Variants in ACP4 observed in about 807,000 individuals in gnomAD.
ACP4 encodes the protein acid phosphatase 4, also known as testicular acid phosphatase.
A neutral mutation model predicts 47.3 loss-of-function variants in ACP4; 49 were observed. That is an observed-to-expected ratio of 1.04 (90% CI 0.82 to 1.32). The LOEUF (loss-of-function observed/expected upper bound fraction) is 1.32. Among genes scored for constraint, ACP4 ranks in the 40% most tolerant of loss-of-function variants. ACP4 has a pLI of 0.00. For synonymous variants in ACP4, 299 were observed against 265.3 expected (o/e 1.13, Z -1.23); for missense variants, 594 against 579.3 (o/e 1.03, Z -0.26).
In ACP4 at chr19:50,791,749, G is replaced by A. The variant is rs779823931; in HGVS notation, c.397G>A (p.Glu133Lys). 2.3e-5 allele frequency: 37 copies of A among 1,612,682 alleles called. No individual in the cohort carries two copies. Among genetic ancestry groups the A allele is most frequent in the South Asian group, 9.9e-5 (9 of 91,076 alleles). The change falls in exon 4 of 11, where the codon GAG becomes AAG. Residue 133 changes from glutamate (E) to lysine (K), a missense_variant. Coordinates refer to ENST00000270593, the MANE Select transcript of ACP4 (RefSeq NM_033068.3). The part of the protein sequence containing the change: ...LFPEAAPGSP[E>K]ARWRPIPVHT... ...TCCCGAGGCTGCTCCAGGGAGCCCC[G>A]AGGCCCGCTGGAGGCCGATCCCGGT...
intron 8 of ACP4, 83 bp downstream of exon 8, chr19:50,794,053 G>A: frequency 1.3e-6 from 2 of 1,515,132 alleles, no homozygotes; most frequent in South Asian, 1.1e-5. Flanking sequence ...AGAGCCTGTG[G>A]TCCCAGTGGA....
At chr19:50,791,107 GT>G (rs1430823266) in intron 3 of ACP4, among the ~76,000 whole-genome samples, 1 of 152,110 alleles carries the variant, frequency 6.6e-6, no homozygotes, top group Non-Finnish European at 1.5e-5. Context: ...CTCCATCTCT[GT>G]TTTCTAAGTC....
In ACP4 at chr19:50,791,806, A is replaced by G. The variant is rs1269493142; in HGVS notation, c.450+4A>G. ...GGTGCCCGTGGCTGAGGATAAGGTCAGGGGGCTGGACCCACGTGTGGCGAG... is the reference window on the plus strand; with the variant it reads ...GGTGCCCGTGGCTGAGGATAAGGTCGGGGGGCTGGACCCACGTGTGGCGAG... On this transcript the variant is annotated splice_donor_region_variant and intron_variant, in intron 4 of 10. Coordinates refer to ENST00000270593, the MANE Select transcript of ACP4 (RefSeq NM_033068.3). The G allele has an allele frequency of 6.3e-7, 1 of 1,594,990 alleles. No homozygotes were observed. The highest frequency in any genetic ancestry group is 1.3e-5 in the African/African-American group (1 of 74,738).
Position 50,794,858 on chromosome 19 carries a change from C to A in ACP4, c.1059C>A (p.Cys353Ter), listed in dbSNP as rs761143651. 1.2e-6 allele frequency: 2 copies of A among 1,613,590 alleles called. No homozygotes were observed. Among genetic ancestry groups the A allele is most frequent in the Admixed American group, 1.7e-5 (1 of 59,944 alleles). Residue 353 changes from cysteine to a stop codon, truncating the protein, a stop_gained, in exon 10 of 11, where the codon TGC becomes TGA. Transcript: ENST00000270593. LOFTEE classifies it high-confidence loss of function. ...CCCTGCCTCTCAGCCTCCCCGGGTG[C>A]CCGGCCCCCTGTCCACTAGGCCGCT... ...HLPLPLSLPG[C>*]PAPCPLGRFY...
In ACP4 at chr19:50,790,433, T is replaced by TG. The variant is rs1568464156; in HGVS notation, c.23dup (p.His9ProfsTer102). On this transcript the variant is annotated frameshift_variant, in exon 1 of 11. Coordinates refer to ENST00000270593, the MANE Select transcript of ACP4 (RefSeq NM_033068.3). LOFTEE classifies it high-confidence loss of function. ...GGTGGAAATGGCCGGCCTGGGGTTT[T>TG]GGGGCCACCCTGCTGGACCTCTCCT... 6.3e-7 allele frequency: 1 copy of TG among 1,588,762 alleles called. No individual in the cohort carries two copies. The highest frequency in any genetic ancestry group is 1.8e-5 in the Admixed American group (1 of 57,054).
At chr19:50,791,389 C>CAG (rs1211230005) in intron 3 of ACP4, among the ~76,000 whole-genome samples, 3 of 152,192 alleles carry the variant, frequency 2.0e-5, no homozygotes, top group Admixed American at 6.5e-5. Context: ...CCTCCAGCCT[C>CAG]TACTGATTCT....
chr19:50,793,499 A>AG, intron 6 of ACP4, 185 bp from the exon 7 acceptor site: 1 of 873,284 alleles, frequency 1.1e-6, no homozygotes. Context: ...TAGGTGATGG[A>AG]GCAAGGCTCC....
intron 9 of ACP4, 68 bp from the exon 10 acceptor site, chr19:50,794,718 G>A (rs576332343): frequency 5.7e-6 from 9 of 1,572,778 alleles, no homozygotes; most frequent in African/African-American, 1.3e-5. Flanking sequence ...GGAGTCAGAA[G>A]CCCTTTTCTC....
Position 50,792,179 on chromosome 19 carries a change from G to A in ACP4, c.549+8G>A. The A allele has an allele frequency of 6.2e-7, 1 of 1,610,496 alleles. No individual in the cohort carries two copies. The highest frequency in any genetic ancestry group is 1.7e-5 in the Admixed American group (1 of 59,960). ...GCCCTGGAGGGCTGGACGGTGAGCA[G>A]GGCGGCGGTGGGGGGCGGGATGCAG... On this transcript the variant is annotated splice_region_variant and intron_variant, in intron 5 of 10. Coordinates refer to ENST00000270593, the MANE Select transcript of ACP4 (RefSeq NM_033068.3).
chr19:50,795,198 A>G lies in ACP4; in HGVS notation c.*40A>G. 1.3e-6 allele frequency: 2 copies of G among 1,485,724 alleles called. No individual in the cohort carries two copies. Among genetic ancestry groups the G allele is most frequent in the Non-Finnish European group, 1.8e-6 (2 of 1,110,956 alleles). 92.0% of individuals were successfully genotyped at this position (1,485,724 alleles called of 1,614,324 possible). ...CTTCCCTACCCCCAGCTGACACTGG[A>G]CCCCAACATGTATGCTCAGTAGCTG... On this transcript the variant is annotated 3_prime_UTR_variant, in exon 11 of 11. Transcript: ENST00000270593.
At chr19:50,793,621 G>A in intron 6 of ACP4, 63 bp from the exon 7 acceptor site, 1 of 1,591,980 alleles carries the variant, frequency 6.3e-7, no homozygotes, top group Non-Finnish European at 8.6e-7. Context: ...GGCAGCACAG[G>A]CCTGCGGGGC....
intron 7 of ACP4, 22 bp from the exon 8 acceptor site, chr19:50,793,866 A>G (rs759971119): frequency 6.2e-7 from 1 of 1,614,140 alleles, no homozygotes; most frequent in Non-Finnish European, 8.5e-7. Context: ...GGAGAGTCTA[A>G]GCTCTTTTTT....
At chr19:50,794,619 A>C (rs764834281) in intron 9 of ACP4, 38 bp downstream of exon 9, 1 of 1,613,718 alleles carries the variant, frequency 6.2e-7, no homozygotes, top group African/African-American at 1.3e-5. Flanking sequence ...TGGGTGGGAC[A>C]GAACTCTCAA....
chr19:50,790,442 C>G lies in ACP4; in HGVS notation c.28C>G (p.Pro10Ala), dbSNP rs1251560182. 1.9e-6 allele frequency: 3 copies of G among 1,586,286 alleles called. No individual in the cohort carries two copies. Among genetic ancestry groups the G allele is most frequent in the Admixed American group, 3.5e-5 (2 of 56,458 alleles). MAGLGFWGH[P>A]AGPLLLLLLL... ...GGCCGGCCTGGGGTTTTGGGGCCACCCTGCTGGACCTCTCCTGCTGCTGCT... is the reference window on the plus strand; with the variant it reads ...GGCCGGCCTGGGGTTTTGGGGCCACGCTGCTGGACCTCTCCTGCTGCTGCT... Residue 10 changes from proline (P) to alanine (A), a missense_variant, in exon 1 of 11, where the codon CCT (proline) becomes GCT (alanine). Pro to Ala is a conservative substitution (Grantham distance 27). Transcript: ENST00000270593.
intron 4 of ACP4, 74 bp from the exon 5 acceptor site, chr19:50,791,999 C>T (rs941820857): frequency 1.9e-5 from 28 of 1,490,094 alleles, no homozygotes; most frequent in African/African-American, 1.1e-4. Flanking sequence ...GCCGAGAGCC[C>T]GGGTTCCCCC....
At position 50,795,152 on chromosome 19, in the gene ACP4, C is replaced by T. The variant is rs760790365; in HGVS notation, c.1275C>T (p.Pro425=). Residue 425 remains proline (P), a synonymous_variant, in exon 11 of 11, where the codon CCC becomes CCT. Coordinates refer to ENST00000270593, the MANE Select transcript of ACP4 (RefSeq NM_033068.3). ...GGTGCCTGCGGGCCTTGGGGGGCCC[C>T]GTGTGAGCCAGAAACCAGGGCTTCC... The part of the protein sequence containing the change: ...RPGCLRALGG[P]V The T allele has an allele frequency of 4.9e-5, 75 of 1,542,358 alleles. No individual in the cohort carries two copies. Among genetic ancestry groups the T allele is most frequent in the Non-Finnish European group, 6.0e-5 (69 of 1,147,308 alleles).
In ACP4 at chr19:50,790,824, C is replaced by T. The variant is rs375670940; in HGVS notation, c.267C>T (p.Tyr89=). The part of the protein sequence containing the change: ...LELGRFLRSR[Y]EAFLSPEYRR... ...TGGGCCGCTTCCTGAGGAGCCGCTA[C>T]GAGGCCTTCCTGAGTCCGGAGTACC... Residue 89 remains tyrosine, a synonymous_variant, in exon 3 of 11, where the codon TAC becomes TAT. Coordinates refer to ENST00000270593, the MANE Select transcript of ACP4 (RefSeq NM_033068.3). 3.7e-5 allele frequency: 57 copies of T among 1,548,904 alleles called. No individual in the cohort carries two copies. In the East Asian group the frequency reaches 5.9e-4, roughly 16 times the overall value.
rs781246537 is a variant in ACP4, at chr19:50,792,036, C to G, written c.451-37C>G. On this transcript the variant is annotated intron_variant, in intron 4 of 10. Coordinates refer to ENST00000270593, the MANE Select transcript of ACP4 (RefSeq NM_033068.3). ...ACCCGCTGTGAGACCCAAGGCAAGG[C>G]ACACGGCTGTCCTCTCTGAGACTCA... The G allele has an allele frequency of 1.9e-6, 3 of 1,538,760 alleles. No individual in the cohort carries two copies. In the African/African-American group the frequency reaches 4.1e-5, roughly 21 times the overall value.
chr19:50,794,712 T>C, intron 9 of ACP4, 74 bp from the exon 10 acceptor site: 9 of 1,571,722 alleles, frequency 5.7e-6, no homozygotes, highest in Non-Finnish European at 6.9e-6. Context: ...CAGGTGGGAG[T>C]CAGAAGCCCT....
Sources: gnomAD v4.1 joint callset for allele counts (sites outside exome capture counted in the v4.1 genomes callset) on GRCh38, gnomAD v4.1.1 for gene constraint, MANE v1.5 for transcripts, NCBI Gene and HGNC (gene_info 2026-07-23, HGNC 2026-07-21) for gene names.